Variants in ENTPD1 observed in about 807,000 individuals in gnomAD.
The protein encoded by ENTPD1 is ATP diphosphohydrolase.
In ENTPD1, 33 loss-of-function variants were observed where a neutral mutation model predicts 57.0. That is an observed-to-expected ratio of 0.58 (90% CI 0.44 to 0.77). The LOEUF (loss-of-function observed/expected upper bound fraction) is 0.77. Ranked by LOEUF, ENTPD1 falls within the 30% of genes least tolerant of loss-of-function variation. The pLI is 0.00. For synonymous variants in ENTPD1, 202 were observed against 218.8 expected, an observed-to-expected ratio of 0.92 and a Z score of 0.68; for missense variants, 501 against 603.4, an observed-to-expected ratio of 0.83 and a Z score of 1.78.
At chr10:95,792,618 T>G (rs1237822247) in intron 1 of ENTPD1, among the ~76,000 whole-genome samples, 1 of 152,218 alleles carries the variant, frequency 6.6e-6, no homozygotes, top group East Asian at 1.9e-4. Flanking sequence ...GTTGGGAAAT[T>G]AGGCTGTTGC....
At chr10:95,715,985 C>T (rs1437383843) in intron 1 of ENTPD1, among the ~76,000 whole-genome samples, 2 of 152,134 alleles carry the variant, frequency 1.3e-5, no homozygotes, top group Non-Finnish European at 2.9e-5. Context: ...CCACCTCAGC[C>T]TCCTGAGTAG....
chr10:95,771,140 C>T (rs117992211), intron 1 of ENTPD1, among the ~76,000 whole-genome samples: 79 of 152,132 alleles, frequency 5.2e-4, no homozygotes, highest in Admixed American at 1.1e-3. Context: ...TACAGTTTGT[C>T]GTGACAATTG....
chr10:95,798,607 C>T (rs1031841639), intron 1 of ENTPD1, among the ~76,000 whole-genome samples: 1 of 152,178 alleles, frequency 6.6e-6, no homozygotes, highest in Non-Finnish European at 1.5e-5. Flanking sequence ...GAGGTCAGTT[C>T]CAGGCAACAT....
At chr10:95,796,277 T>C (rs1169649672) in intron 1 of ENTPD1, among the ~76,000 whole-genome samples, 1 of 152,132 alleles carries the variant, frequency 6.6e-6, no homozygotes, top group African/African-American at 2.4e-5. Flanking sequence ...AAGGCTATTA[T>C]AGCATTGTGA....
chr10:95,873,694 C>T lies in ENTPD1; in HGVS notation c.*7311C>T. On this transcript the variant is annotated 3_prime_UTR_variant, in exon 10 of 10. Coordinates refer to ENST00000371205, the MANE Select transcript of ENTPD1 (RefSeq NM_001776.6). ...TTACATTTAGATTGGTTTTTAAAAA[C>T]TATGATTGTATTAGTTCGTTTCCAT... The T allele has an allele frequency of 1.0e-6, 1 of 984,988 alleles. No homozygotes were observed. Among genetic ancestry groups the T allele is most frequent in the Non-Finnish European group, 1.2e-6 (1 of 829,558 alleles). The allele number at this position is 984,988 out of a possible 1,614,324, so 61.0% of individuals were successfully genotyped here.
At chr10:95,805,828 T>C (rs2098269779) in intron 1 of ENTPD1, among the ~76,000 whole-genome samples, 1 of 152,242 alleles carries the variant, frequency 6.6e-6, no homozygotes, top group African/African-American at 2.4e-5. Context: ...CCCCATTCTC[T>C]TCTGGCTTGT....
At chr10:95,725,624 A>G (rs2097982791) in intron 1 of ENTPD1, among the ~76,000 whole-genome samples, 1 of 152,150 alleles carries the variant, frequency 6.6e-6, no homozygotes, top group Non-Finnish European at 1.5e-5. Context: ...ACTTTAGTTT[A>G]GTGGACAGCC....
intron 1 of ENTPD1, among the ~76,000 whole-genome samples, chr10:95,775,028 C>T (rs2098128844): frequency 6.6e-6 from 1 of 152,042 alleles, no homozygotes; most frequent in South Asian, 2.1e-4. Flanking sequence ...TTGTAGTTCT[C>T]CTTTAAGGGG....
At chr10:95,864,656 A>C in intron 8 of ENTPD1, 68 bp from the exon 9 acceptor site, 1 of 1,600,266 alleles carries the variant, frequency 6.2e-7, no homozygotes, top group Non-Finnish European at 8.6e-7. Flanking sequence ...CAGGGCTAGT[A>C]GAGAAAAAGA....
intron 6 of ENTPD1, 77 bp from the exon 7 acceptor site, chr10:95,847,369 A>G: frequency 1.3e-6 from 2 of 1,553,822 alleles, no homozygotes; most frequent in Non-Finnish European, 1.8e-6. Flanking sequence ...CAGTGCCTAC[A>G]TATTGATTAA....
chr10:95,748,153 G>T (rs796355484), intron 1 of ENTPD1, among the ~76,000 whole-genome samples: 12 of 152,268 alleles, frequency 7.9e-5, no homozygotes, highest in African/African-American at 2.6e-4. Flanking sequence ...GATTACAGGC[G>T]TGAGCCACCG....
intron 5 of ENTPD1, 149 bp downstream of exon 5, chr10:95,844,784 C>A: frequency 2.0e-6 from 2 of 1,017,084 alleles, no homozygotes; most frequent in South Asian, 2.6e-5. Flanking sequence ...TTTACTCTCA[C>A]ATTTGTAAGG....
chr10:95,837,275 G>T (rs923762372), intron 2 of ENTPD1, among the ~76,000 whole-genome samples: 1 of 152,196 alleles, frequency 6.6e-6, no homozygotes, highest in Admixed American at 6.5e-5. Context: ...GTCGTATGCT[G>T]CTGTGGTTGG....
chr10:95,810,055 C>T lies in ENTPD1; in HGVS notation c.17-13182C>T, dbSNP rs1166649953. On this transcript the variant is annotated intron_variant, in intron 1 of 9. Coordinates refer to ENST00000371205, the MANE Select transcript of ENTPD1 (RefSeq NM_001776.6). ...AGTCGGGCAGAGGCACTCCTCACTT[C>T]CCAGACAGGGTCGCGGTCGGGCAGA... Among the ~76,000 whole-genome samples, 3 of 146,532 alleles carry T rather than the reference C, an allele frequency of 2.0e-5. No individual in the cohort carries two copies. In the East Asian group the frequency reaches 6.2e-4, roughly 30 times the overall value.
intron 1 of ENTPD1, among the ~76,000 whole-genome samples, chr10:95,730,594 G>A (rs372060787): frequency 2.0e-5 from 3 of 152,162 alleles, no homozygotes; most frequent in East Asian, 3.8e-4. Flanking sequence ...TATATAATTA[G>A]AATGCAGATT....
intron 7 of ENTPD1, among the ~76,000 whole-genome samples, chr10:95,849,269 T>C (rs985194018): frequency 1.3e-5 from 2 of 152,232 alleles, no homozygotes; most frequent in African/African-American, 2.4e-5. Flanking sequence ...AATCATAGTT[T>C]AGTAGCATAT....
chr10:95,774,608 T>A (rs1342177473), intron 1 of ENTPD1, among the ~76,000 whole-genome samples: 1 of 152,230 alleles, frequency 6.6e-6, no homozygotes, highest in Non-Finnish European at 1.5e-5. Context: ...CATTTCTTGT[T>A]TTTATCAGGT....
chr10:95,811,578 G>T (rs1219716757), intron 1 of ENTPD1, among the ~76,000 whole-genome samples: 3 of 152,138 alleles, frequency 2.0e-5, no homozygotes, highest in Non-Finnish European at 4.4e-5. Flanking sequence ...TGTAGAGATA[G>T]GGTCTCTCCC....
At position 95,781,679 on chromosome 10, in the gene ENTPD1, G is replaced by A. The variant is rs79515449; in HGVS notation, c.16+25424G>A. Among the ~76,000 whole-genome samples, 632 of 152,294 alleles carry A rather than the reference G, an allele frequency of 4.1e-3. 7 individuals carry two copies. The highest frequency in any genetic ancestry group is 0.013 in the East Asian group (69 of 5,190). Reference sequence around the variant, plus strand: ...TTTATGTCAGGTTGTAGTCTTAAGGGTGGAAACGAAAAGAGGGCCAGGACC... The same window carrying A: ...TTTATGTCAGGTTGTAGTCTTAAGGATGGAAACGAAAAGAGGGCCAGGACC... On this transcript the variant is annotated intron_variant, in intron 1 of 9. Coordinates refer to ENST00000371205, the MANE Select transcript of ENTPD1 (RefSeq NM_001776.6).
Sources: gnomAD v4.1 joint callset for allele counts (sites outside exome capture counted in the v4.1 genomes callset) on GRCh38, gnomAD v4.1.1 for gene constraint, MANE v1.5 for transcripts, NCBI Gene and HGNC (gene_info 2026-07-23, HGNC 2026-07-21) for gene names.